Variants in EPSTI1 observed in about 807,000 individuals in gnomAD.
EPSTI1 encodes the protein epithelial stromal interaction 1, also known as epithelial-stromal interaction protein 1.
A neutral mutation model predicts 49.9 loss-of-function variants in EPSTI1; 66 were observed. The ratio of observed to expected loss-of-function variants is 1.32; its 90% confidence interval spans 1.08 to 1.62. The LOEUF (loss-of-function observed/expected upper bound fraction) is 1.62, where lower values mean the gene tolerates loss of function less well. Among genes scored for constraint, EPSTI1 ranks in the 40% most tolerant of loss-of-function variants. EPSTI1 has a pLI of 0.00. For synonymous variants in EPSTI1, 137 were observed against 130.7 expected, an observed-to-expected ratio of 1.05 and a Z score of -0.33; for missense variants, 394 against 365.5, an observed-to-expected ratio of 1.08 and a Z score of -0.64.
At chr13:42,963,110 C>T (rs9562444) in intron 5 of EPSTI1, 145 bp downstream of exon 5, 236,242 of 710,906 alleles carry the variant, frequency 0.33, 40,392 homozygotes, top group East Asian at 0.46. Context: ...AGGAAAAAAA[C>T]TGGATGAGGA....
intron 8 of EPSTI1, among the ~76,000 whole-genome samples, chr13:42,902,775 A>G (rs1535896): frequency 0.27 from 41,824 of 152,128 alleles, 5,821 homozygotes; most frequent in South Asian, 0.32. Context: ...GGGATCAGAG[A>G]CACAGTTTTA....
intron 6 of EPSTI1, among the ~76,000 whole-genome samples, chr13:42,931,391 G>A (rs1411308806): frequency 1.1e-4 from 16 of 151,398 alleles, no homozygotes; most frequent in African/African-American, 3.6e-4. Context: ...ATTTTTAGTA[G>A]AGACGGGGTT....
At chr13:42,974,344 A>G (rs1336256214) in intron 1 of EPSTI1, among the ~76,000 whole-genome samples, 1 of 151,210 alleles carries the variant, frequency 6.6e-6, no homozygotes, top group Non-Finnish European at 1.5e-5. Context: ...CTCAAAAAAA[A>G]AGAAAAAGAA....
Position 42,938,937 on chromosome 13 carries a change from T to C in EPSTI1, c.564-12508A>G, listed in dbSNP as rs936864986. Among the ~76,000 whole-genome samples the C allele has an allele frequency of 1.4e-4, 9 of 63,870 alleles. 1 individual carries two copies. The highest frequency in any genetic ancestry group is 5.1e-4 in the African/African-American group (9 of 17,722). 41.9% of individuals were successfully genotyped at this position (63,870 alleles called of 152,430 possible). A position where few individuals can be genotyped will look rare whatever the true frequency, so the allele number is the denominator to read the frequency against. On this transcript the variant is annotated intron_variant, in intron 6 of 10. Coordinates refer to ENST00000313624, the MANE Select transcript of EPSTI1 (RefSeq NM_033255.5). ...CTCAAAAAAAAAAAAAAAAAATCTG[T>C]TGTTTAGTATACACACCTTCATCAA...
intron 6 of EPSTI1, among the ~76,000 whole-genome samples, chr13:42,936,149 T>C (rs143941192): frequency 6.6e-6 from 1 of 152,216 alleles, no homozygotes; most frequent in African/African-American, 2.4e-5. Flanking sequence ...AACTTATTCA[T>C]ATATTCTTTC....
rs1237696855 is a variant in EPSTI1 at position 42,966,821 on chromosome 13, C to G, written c.331+2273G>C. Among the ~76,000 whole-genome samples, 2 of 81,238 alleles carry G rather than the reference C, an allele frequency of 2.5e-5. 1 individual carries two copies. Among genetic ancestry groups the G allele is most frequent in the African/African-American group, 7.5e-5 (2 of 26,498 alleles). The allele number at this position is 81,238 out of a possible 152,430, so 53.3% of individuals were successfully genotyped here. A position where few individuals can be genotyped will look rare whatever the true frequency, so the allele number is the denominator to read the frequency against. The stretch of plus-strand genomic sequence containing the variant: ...GAACGGGCCAGGATGACAATGGCGG[C>G]TTTGTGGAATAGAAAGGCGGGAAAG... On this transcript the variant is annotated intron_variant, in intron 3 of 10. Coordinates refer to ENST00000313624, the MANE Select transcript of EPSTI1 (RefSeq NM_033255.5).
chr13:42,931,316 C>T (rs1348299538), intron 6 of EPSTI1, among the ~76,000 whole-genome samples: 1 of 151,724 alleles, frequency 6.6e-6, no homozygotes. Flanking sequence ...CGCCATTCTC[C>T]TGCCTCAGCC....
intron 3 of EPSTI1, among the ~76,000 whole-genome samples, chr13:42,967,289 T>TAAAAAAAAAAAAA (rs747737457): frequency 1.4e-4 from 4 of 28,538 alleles, no homozygotes; most frequent in East Asian, 2.6e-3. Flanking sequence ...AAAAATAAAT[T>TAAAAAAAAAAAAA]AAAAAAAAAA....
At chr13:42,983,278 T>C (rs543423761) in intron 1 of EPSTI1, among the ~76,000 whole-genome samples, 7 of 152,084 alleles carry the variant, frequency 4.6e-5, no homozygotes, top group South Asian at 2.1e-4. Context: ...TATAAAACAA[T>C]GATAGGGCTG....
At position 42,992,155 on chromosome 13, in the gene EPSTI1, C is replaced by T. The variant is rs113704608; in HGVS notation, c.11G>A (p.Arg4His). The T allele has an allele frequency of 3.2e-6, 5 of 1,582,372 alleles. No individual in the cohort carries two copies. The African/African-American group carries it at 5.4e-5, about 17-fold the overall frequency. The change falls in exon 1 of 11, where the codon CGC (arginine) becomes CAC (histidine). Residue 4 changes from arginine (R) to histidine (H), a missense_variant. By Grantham distance (29) the Arg-to-His change is conservative. Coordinates refer to ENST00000313624, the MANE Select transcript of EPSTI1 (RefSeq NM_033255.5). The stretch of plus-strand genomic sequence containing the variant: ...GAGCCCGGAGTTCACCACTCTATTG[C>T]GGGTGTTCATGGTTCACAGCCCGCG... Reference protein sequence around the residue: MNTRNRVVNSGLGA... With the variant: MNTHNRVVNSGLGA...
chr13:42,948,246 C>A (rs976296007), intron 6 of EPSTI1, among the ~76,000 whole-genome samples: 1 of 152,198 alleles, frequency 6.6e-6, no homozygotes, highest in African/African-American at 2.4e-5. Flanking sequence ...GAGAGAGGGG[C>A]CCTCCTCTGC....
At chr13:42,907,395 T>C (rs1168034817) in intron 8 of EPSTI1, among the ~76,000 whole-genome samples, 2 of 152,242 alleles carry the variant, frequency 1.3e-5, no homozygotes, top group Non-Finnish European at 2.9e-5. Context: ...CTGAACAAAC[T>C]GTTTCAAATT....
At position 42,901,876 on chromosome 13, in the gene EPSTI1, A is replaced by T. The variant is rs559258933; in HGVS notation, c.742-1493T>A. ...GGTGCGCTGCACCCACTAACTCGTC[A>T]TCTAGCATTAGGTATATCTCCCAAT... is the stretch of plus-strand genomic sequence containing the variant. On this transcript the variant is annotated intron_variant, in intron 8 of 10. Coordinates refer to ENST00000313624, the MANE Select transcript of EPSTI1 (RefSeq NM_033255.5). 1.8e-3 allele frequency among the ~76,000 whole-genome samples: 280 copies of T among 152,096 alleles called. 1 individual carries two copies. Among genetic ancestry groups the T allele is most frequent in the Non-Finnish European group, 3.0e-3 (207 of 68,004 alleles).
chr13:42,931,370 T>C (rs1189784231), intron 6 of EPSTI1, among the ~76,000 whole-genome samples: 1 of 148,926 alleles, frequency 6.7e-6, no homozygotes, highest in African/African-American at 2.5e-5. Flanking sequence ...CGCGCCCGGC[T>C]AATTTTTTGT....
chr13:42,924,096 G>C (rs2038099393), intron 7 of EPSTI1, among the ~76,000 whole-genome samples: 1 of 152,144 alleles, frequency 6.6e-6, no homozygotes. Flanking sequence ...GTACATATTT[G>C]ATTTTCCTAC....
chr13:42,977,309 C>T (rs1389706781), intron 1 of EPSTI1, among the ~76,000 whole-genome samples: 1 of 152,234 alleles, frequency 6.6e-6, no homozygotes, highest in East Asian at 1.9e-4. Context: ...CCAACATTCA[C>T]TCTCACTTCC....
chr13:42,943,564 G>A (rs74062756), intron 6 of EPSTI1, among the ~76,000 whole-genome samples: 1,996 of 152,290 alleles, frequency 0.013, 45 homozygotes, highest in South Asian at 0.097. Context: ...TTTAAACTCA[G>A]GCAGTCTAAC....
intron 1 of EPSTI1, among the ~76,000 whole-genome samples, chr13:42,984,208 T>C (rs1328605681): frequency 6.6e-6 from 1 of 152,236 alleles, no homozygotes; most frequent in African/African-American, 2.4e-5. Flanking sequence ...TCTTCCAATG[T>C]ACTATTATTT....
At chr13:42,982,486 C>T (rs544607719) in intron 1 of EPSTI1, among the ~76,000 whole-genome samples, 7 of 152,350 alleles carry the variant, frequency 4.6e-5, no homozygotes, top group East Asian at 1.9e-4. Flanking sequence ...GCTCTATAGA[C>T]TTGCCCTGAA....
Sources: gnomAD v4.1 joint callset for allele counts (sites outside exome capture counted in the v4.1 genomes callset) on GRCh38, gnomAD v4.1.1 for gene constraint, MANE v1.5 for transcripts, NCBI Gene and HGNC (gene_info 2026-07-23, HGNC 2026-07-21) for gene names.